Variants in KCND2 observed in about 807,000 individuals in gnomAD.
KCND2 encodes A-type voltage-gated potassium channel KCND2.
Under a neutral mutation model 54.4 loss-of-function variants are expected in KCND2, and 16 were observed. The ratio of observed to expected loss-of-function variants is 0.29; its 90% CI spans 0.20 to 0.45. The LOEUF is 0.45. KCND2 is among the 20% of genes least tolerant of loss of function. The probability of loss-of-function intolerance (pLI) is 1.00; values close to 1 mark genes in which losing one functional copy is unlikely to be tolerated. For missense variants in KCND2, 486 were observed against 824.2 expected (o/e 0.59, Z 5.02); for synonymous variants, 317 against 310.7 (o/e 1.02, Z -0.21).
chr7:120,286,306 T>G (rs938261392), intron 1 of KCND2, among the ~76,000 whole-genome samples: 1 of 151,930 alleles, frequency 6.6e-6, no homozygotes, highest in African/African-American at 2.4e-5. Flanking sequence ...TACAAAAATG[T>G]ACAGATGTGT....
At chr7:120,320,331 T>C (rs1225294921) in intron 1 of KCND2, among the ~76,000 whole-genome samples, 1 of 152,170 alleles carries the variant, frequency 6.6e-6, no homozygotes, top group African/African-American at 2.4e-5. Flanking sequence ...TAGCCTAGTA[T>C]AATGGATGTG....
intron 2 of KCND2, among the ~76,000 whole-genome samples, chr7:120,737,983 A>C (rs1239094561): frequency 1.3e-5 from 2 of 152,018 alleles, no homozygotes; most frequent in Non-Finnish European, 2.9e-5. Context: ...TCAATGTCTC[A>C]GTGGTGTTTG....
In KCND2 at chr7:120,737,100, A is replaced by G. The variant is rs549600182; in HGVS notation, c.1278+4035A>G. Among the ~76,000 whole-genome samples, 17 of 150,772 alleles carry G rather than the reference A, an allele frequency of 1.1e-4. 1 individual carries two copies. The East Asian group carries it at 1.8e-3, about 16-fold the overall frequency. Reference sequence around the variant, plus strand: ...CAAACAAAAAAAAAAAAAACAAAACAAAAAACAGATTGTTGAGCCCTACTC... The same window carrying G: ...CAAACAAAAAAAAAAAAAACAAAACGAAAAACAGATTGTTGAGCCCTACTC... On this transcript the variant is annotated intron_variant, in intron 2 of 5. Transcript: ENST00000331113.
intron 1 of KCND2, among the ~76,000 whole-genome samples, chr7:120,478,302 C>T (rs1301207550): frequency 6.6e-6 from 1 of 152,098 alleles, no homozygotes; most frequent in African/African-American, 2.4e-5. Context: ...TTTAAATTGT[C>T]CTTTATCGCC....
chr7:120,472,077 A>G (rs562051483), intron 1 of KCND2, among the ~76,000 whole-genome samples: 1 of 152,032 alleles, frequency 6.6e-6, no homozygotes, highest in African/African-American at 2.4e-5. Flanking sequence ...ACCTGAGGTT[A>G]TATTCCAACT....
chr7:120,487,353 A>T (rs1355557657), intron 1 of KCND2, among the ~76,000 whole-genome samples: 1 of 152,216 alleles, frequency 6.6e-6, no homozygotes. Context: ...AACAATTTAA[A>T]AAATGGAATA....
At chr7:120,455,781 A>T (rs184553094) in intron 1 of KCND2, among the ~76,000 whole-genome samples, 1 of 152,292 alleles carries the variant, frequency 6.6e-6, no homozygotes, top group Non-Finnish European at 1.5e-5. Flanking sequence ...GGAGCTAAAG[A>T]CTGAATACTT....
chr7:120,412,388 T>C (rs1227224812), intron 1 of KCND2, among the ~76,000 whole-genome samples: 1 of 152,068 alleles, frequency 6.6e-6, no homozygotes, highest in East Asian at 1.9e-4. Flanking sequence ...CCTTTTCATA[T>C]GTATTGCAGA....
rs115796070 is a variant in KCND2 at position 120,295,789 on chromosome 7, G to A, written c.1115+20042G>A. 8.4e-3 allele frequency among the ~76,000 whole-genome samples: 1,280 copies of A among 151,976 alleles called. 14 individuals are homozygous for A. Among genetic ancestry groups the A allele is most frequent in the African/African-American group, 0.029 (1,198 of 41,458 alleles). The stretch of plus-strand genomic sequence containing the variant: ...TAAGTGAAATTTTTCTCACTATTTT[G>A]CAGATGAGATAATGCAAACTCGAGG... On this transcript the variant is annotated intron_variant, in intron 1 of 5. Transcript: ENST00000331113.
chr7:120,281,578 C>T (rs564365454), intron 1 of KCND2, among the ~76,000 whole-genome samples: 75 of 152,228 alleles, frequency 4.9e-4, no homozygotes, highest in African/African-American at 1.7e-3. Context: ...AGCAAGCCTA[C>T]GTCATTTATA....
At chr7:120,566,233 C>A (rs559580953) in intron 1 of KCND2, among the ~76,000 whole-genome samples, 2 of 152,150 alleles carry the variant, frequency 1.3e-5, no homozygotes, top group African/African-American at 4.8e-5. Context: ...GGAAAAGAGA[C>A]CTTGATCTCA....
chr7:120,572,983 A>C (rs1792384660), intron 1 of KCND2, among the ~76,000 whole-genome samples: 2 of 152,220 alleles, frequency 1.3e-5, no homozygotes, highest in Admixed American at 6.5e-5. Context: ...TAAACTATTT[A>C]CATGTTTAAC....
chr7:120,304,861 T>A (rs1415020633), intron 1 of KCND2, among the ~76,000 whole-genome samples: 1 of 152,174 alleles, frequency 6.6e-6, no homozygotes, highest in Non-Finnish European at 1.5e-5. Context: ...GGGCAGGCGA[T>A]AGGAATACTT....
chr7:120,275,625 C>T lies in KCND2; in HGVS notation c.993C>T (p.Leu331=), dbSNP rs1018289599. The change falls in exon 1 of 6, where the codon CTC becomes CTT. Residue 331 remains leucine (L), a synonymous_variant. Coordinates refer to ENST00000331113, the MANE Select transcript of KCND2 (RefSeq NM_012281.3). ...AATTGGGCTTCTTGCTTTTCTCGCTCACCATGGCTATCATCATCTTCGCTA... is the reference window on the plus strand; with the variant it reads ...AATTGGGCTTCTTGCTTTTCTCGCTTACCATGGCTATCATCATCTTCGCTA... ...ASELGFLLFS[L]TMAIIIFATV... The T allele has an allele frequency of 1.9e-6, 3 of 1,610,548 alleles. No individual in the cohort carries two copies. The highest frequency in any genetic ancestry group is 2.5e-6 in the Non-Finnish European group (3 of 1,179,994).
intron 1 of KCND2, among the ~76,000 whole-genome samples, chr7:120,331,131 T>G (rs191604180): frequency 6.6e-6 from 1 of 152,288 alleles, no homozygotes; most frequent in East Asian, 1.9e-4. Context: ...CATAATAGTA[T>G]AAAACATTTG....
At chr7:120,570,416 TA>T (rs80129346) in intron 1 of KCND2, among the ~76,000 whole-genome samples, 7,077 of 135,798 alleles carry the variant, frequency 0.052, 176 homozygotes, top group Non-Finnish European at 0.072. Flanking sequence ...TATAAAAAGT[TA>T]AAAAAAAAAA....
At chr7:120,441,728 A>G (rs2116195045) in intron 1 of KCND2, among the ~76,000 whole-genome samples, 1 of 152,232 alleles carries the variant, frequency 6.6e-6, no homozygotes, top group East Asian at 1.9e-4. Flanking sequence ...TTGGACAGAT[A>G]TGGAATTAAC....
At chr7:120,380,557 C>T (rs1800903004) in intron 1 of KCND2, among the ~76,000 whole-genome samples, 2 of 151,970 alleles carry the variant, frequency 1.3e-5, no homozygotes, top group South Asian at 2.1e-4. Context: ...AAACCTAACT[C>T]ATCATTAGAT....
chr7:120,300,969 A>G (rs73429997), intron 1 of KCND2, among the ~76,000 whole-genome samples: 3,247 of 152,154 alleles, frequency 0.021, 132 homozygotes, highest in African/African-American at 0.074. Flanking sequence ...CTTAAGGGGG[A>G]AAGGGGCCCA....
Sources: gnomAD v4.1 joint callset for allele counts (sites outside exome capture counted in the v4.1 genomes callset) on GRCh38, gnomAD v4.1.1 for gene constraint, MANE v1.5 for transcripts, NCBI Gene and HGNC (gene_info 2026-07-23, HGNC 2026-07-21) for gene names.